The following CSPG5 variants were observed in gnomAD, a reference collection of about 807,000 sequenced individuals.
CSPG5 encodes the protein acidic leucine-rich EGF-like domain-containing brain protein.
CSPG5 carries 25 observed loss-of-function variants against 39.8 expected under a neutral mutation model. The ratio of observed to expected loss-of-function variants is 0.63; its 90% confidence interval spans 0.46 to 0.88. The LOEUF is 0.88. Ranked by LOEUF, CSPG5 falls within the 40% of genes least tolerant of loss-of-function variation. The pLI, the probability that CSPG5 is intolerant of heterozygous loss-of-function variation, is 0.00. For missense variants in CSPG5, 627 were observed against 702.2 expected, an observed-to-expected ratio of 0.89 and a Z score of 1.21; for synonymous variants, 295 against 303.9, an observed-to-expected ratio of 0.97 and a Z score of 0.31.
intron 2 of CSPG5, 76 bp downstream of exon 2, chr3:47,576,757 G>C (rs908613796): frequency 6.1e-5 from 90 of 1,478,594 alleles, no homozygotes; most frequent in Non-Finnish European, 7.9e-5. Context: ...AACGCGCCCG[G>C]CTACGCTGCC....
chr3:47,576,040 C>G (rs1167807027), intron 2 of CSPG5, among the ~76,000 whole-genome samples: 1 of 149,316 alleles, frequency 6.7e-6, no homozygotes, highest in East Asian at 2.0e-4. Context: ...TGGGTTCAAG[C>G]AATTCTGCCT....
At position 47,578,072 on chromosome 3, in the gene CSPG5, C is replaced by A. The variant is rs2108211850; in HGVS notation, c.98-144G>T. ...CTCAGACCCCACCGCCCCAGTGTGA[C>A]CCCAGCCACCCGGTACCTCTAAGCC... On this transcript the variant is annotated intron_variant, in intron 1 of 4. Coordinates refer to ENST00000264723, the MANE Select transcript of CSPG5 (RefSeq NM_006574.4). This position sits in a 1 kb window ranked among gnomAD's most constrained non-coding sequence, Gnocchi z 6.0. 2 of 1,214,620 alleles carry A rather than the reference C, an allele frequency of 1.6e-6. No homozygotes were observed. Among genetic ancestry groups the A allele is most frequent in the South Asian group, 2.7e-5 (1 of 36,766 alleles). The allele number at this position is 1,214,620 out of a possible 1,614,324, so 75.2% of individuals were successfully genotyped here. A position where few individuals can be genotyped will look rare whatever the true frequency, so the allele number is the denominator to read the frequency against.
chr3:47,565,679 A>G (rs546048513), intron 4 of CSPG5, among the ~76,000 whole-genome samples: 200 of 129,858 alleles, frequency 1.5e-3, no homozygotes, highest in African/African-American at 4.4e-3. Flanking sequence ...AGAGTTAAAT[A>G]GGAAAAAAAA....
intron 4 of CSPG5, 125 bp downstream of exon 4, chr3:47,569,027 G>A: frequency 2.8e-6 from 4 of 1,430,866 alleles, no homozygotes; most frequent in Non-Finnish European, 3.7e-6. Context: ...TGGGCCAGGG[G>A]CCAAAGCATG....
Position 47,578,523 on chromosome 3 carries a change from C to T in CSPG5, c.97+74G>A. The T allele has an allele frequency of 2.2e-6, 1 of 458,884 alleles. No homozygotes were observed. The allele number at this position is 458,884 out of a possible 1,614,324, so 28.4% of individuals were successfully genotyped here. A position where few individuals can be genotyped will look rare whatever the true frequency, so the allele number is the denominator to read the frequency against. On this transcript the variant is annotated intron_variant, in intron 1 of 4. Coordinates refer to ENST00000264723, the MANE Select transcript of CSPG5 (RefSeq NM_006574.4). This position sits in a 1 kb window ranked among gnomAD's most constrained non-coding sequence, Gnocchi z 6.0. ...TGCCACAGCTCACAGCTCCACCTGT[C>T]CCCGCCGCCAGCGGGACCCCTGCCC...
chr3:47,577,812 C>G lies in CSPG5; in HGVS notation c.214G>C (p.Glu72Gln). 2 of 1,577,434 alleles carry G rather than the reference C, an allele frequency of 1.3e-6. No homozygotes were observed. Among genetic ancestry groups the G allele is most frequent in the Non-Finnish European group, 1.7e-6 (2 of 1,171,072 alleles). ...CCACCGGGCGCCGTCCACGACGCCT[C>G]ATCTTCCCCAGCCGCTGGTGGGCCG... ...EAGPPAAGED[E>Q]ASWTAPGGEL... Residue 72 changes from glutamate to glutamine, a missense_variant, in exon 2 of 5, where the codon GAG (glutamate) becomes CAG (glutamine). Transcript: ENST00000264723. This position sits in a 1 kb window ranked among gnomAD's most constrained non-coding sequence, Gnocchi z 4.7.
In CSPG5 at chr3:47,576,944, C is replaced by T; in HGVS notation, c.1082G>A (p.Ser361Asn). 1.9e-6 allele frequency: 3 copies of T among 1,613,686 alleles called. No individual in the cohort carries two copies. The highest frequency in any genetic ancestry group is 2.5e-6 in the Non-Finnish European group (3 of 1,179,750). ...GGAGCCGTTATGCCGCACAAAGCCACTGCGGCACTCAGTGCCATTTTCACT... is the reference window on the plus strand; with the variant it reads ...GGAGCCGTTATGCCGCACAAAGCCATTGCGGCACTCAGTGCCATTTTCACT... ...ASSENGTECR[S>N]GFVRHNGSCR... The change falls in exon 2 of 5, where the codon AGT becomes AAT. Residue 361 changes from serine to asparagine, a missense_variant. Physicochemically the swap from Ser to Asn is conservative, Grantham distance 46 (BLOSUM62 1). Coordinates refer to ENST00000264723, the MANE Select transcript of CSPG5 (RefSeq NM_006574.4).
intron 3 of CSPG5, among the ~76,000 whole-genome samples, chr3:47,570,082 CTTT>C (rs923270981): frequency 6.8e-6 from 1 of 146,302 alleles, no homozygotes; most frequent in Non-Finnish European, 1.5e-5. Context: ...CATGGATTAT[CTTT>C]TTTTTTTTAT....
At position 47,578,103 on chromosome 3, in the gene CSPG5, C is replaced by G; in HGVS notation, c.98-175G>C. On this transcript the variant is annotated intron_variant, in intron 1 of 4. Transcript: ENST00000264723. The surrounding 1 kb of genome is among the most constrained non-coding windows in gnomAD (Gnocchi z 6.0). ...CCACCCGGTACCTCTAAGCCCCGTCCCGGAGTCTGCCCCCAAGACGAGGAT... is the reference window on the plus strand; with the variant it reads ...CCACCCGGTACCTCTAAGCCCCGTCGCGGAGTCTGCCCCCAAGACGAGGAT... The G allele has an allele frequency of 2.0e-6, 2 of 991,198 alleles. No individual in the cohort carries two copies. Among genetic ancestry groups the G allele is most frequent in the African/African-American group, 3.4e-5 (2 of 59,256 alleles). 61.4% of individuals were successfully genotyped at this position (991,198 alleles called of 1,614,324 possible). A position where few individuals can be genotyped will look rare whatever the true frequency, so the allele number is the denominator to read the frequency against.
At chr3:47,573,455 C>A (rs1262318249) in intron 2 of CSPG5, among the ~76,000 whole-genome samples, 1 of 152,172 alleles carries the variant, frequency 6.6e-6, no homozygotes, top group East Asian at 1.9e-4. Context: ...TGCAGCCCCC[C>A]CAAGTTCTGC....
Position 47,577,416 on chromosome 3 carries a change from C to T in CSPG5, c.610G>A (p.Ala204Thr), listed in dbSNP as rs1328498293. The T allele has an allele frequency of 1.2e-6, 2 of 1,614,046 alleles. No individual in the cohort carries two copies. Among genetic ancestry groups the T allele is most frequent in the African/African-American group, 2.7e-5 (2 of 74,930 alleles). ...PFQGTLEPQP[A>T]SDIIDIDYFE... ...TAGTCGATGTCAATGATATCTGATGCCGGTTGGGGCTCCAGGGTGCCCTGA... is the reference window on the plus strand; with the variant it reads ...TAGTCGATGTCAATGATATCTGATGTCGGTTGGGGCTCCAGGGTGCCCTGA... Residue 204 changes from alanine (A) to threonine (T), a missense_variant, in exon 2 of 5, where the codon GCA becomes ACA. Transcript: ENST00000264723. This position sits in a 1 kb window ranked among gnomAD's most constrained non-coding sequence, Gnocchi z 4.7.
intron 2 of CSPG5, among the ~76,000 whole-genome samples, chr3:47,573,358 C>A (rs765749607): frequency 2.0e-5 from 3 of 152,216 alleles, no homozygotes; most frequent in African/African-American, 7.2e-5. Context: ...GCAGTCCCAC[C>A]TAGTTCACGT....
intron 2 of CSPG5, among the ~76,000 whole-genome samples, chr3:47,573,700 G>T (rs1310716673): frequency 6.6e-6 from 1 of 152,156 alleles, no homozygotes; most frequent in Admixed American, 6.5e-5. Flanking sequence ...TGAACCTCAG[G>T]GTGAATGACA....
chr3:47,563,709 C>T (rs1278783254), intron 4 of CSPG5, among the ~76,000 whole-genome samples: 5 of 152,124 alleles, frequency 3.3e-5, no homozygotes, highest in African/African-American at 1.2e-4. Flanking sequence ...GCGCTCGTGA[C>T]CATGCCCGGC....
Position 47,577,887 on chromosome 3 carries a change from T to C in CSPG5, c.139A>G (p.Lys47Glu), listed in dbSNP as rs756822917. The C allele has an allele frequency of 4.9e-5, 73 of 1,503,732 alleles. No individual in the cohort carries two copies. The highest frequency in any genetic ancestry group is 4.7e-5 in the Non-Finnish European group (53 of 1,139,616). 93.1% of individuals were successfully genotyped at this position (1,503,732 alleles called of 1,614,324 possible). ...GGCGGCTCCCACGCCGGGCTGCCCT[T>C]CACCAGCTCTTCGGCCTCAACCGCG... ...GSAVEAEELV[K>E]GSPAWEPPAN... is the part of the protein sequence containing the mutation. The change falls in exon 2 of 5, where the codon AAG becomes GAG. Residue 47 changes from lysine to glutamate, a missense_variant. By Grantham distance (56) the Lys-to-Glu change is moderately conservative. Transcript: ENST00000264723. This position sits in a 1 kb window ranked among gnomAD's most constrained non-coding sequence, Gnocchi z 4.7.
rs750024015 is a variant in CSPG5 at position 47,562,557 on chromosome 3, AC to A, written c.*42del. The A allele has an allele frequency of 3.8e-5, 41 of 1,072,914 alleles. No individual in the cohort carries two copies. The highest frequency in any genetic ancestry group is 2.8e-4 in the African/African-American group (18 of 64,052). The allele number at this position is 1,072,914 out of a possible 1,614,324, so 66.5% of individuals were successfully genotyped here. A position where few individuals can be genotyped will look rare whatever the true frequency, so the allele number is the denominator to read the frequency against. The stretch of plus-strand genomic sequence containing the variant: ...AAGAGGAGATAATGTTTCTTCCCCT[AC>A]CCCCCACCCACTACCCCCGCTTCCT... On this transcript the variant is annotated 3_prime_UTR_variant, in exon 5 of 5. Transcript: ENST00000264723.
chr3:47,573,212 A>G (rs2031591356), intron 2 of CSPG5, among the ~76,000 whole-genome samples: 1 of 152,112 alleles, frequency 6.6e-6, no homozygotes, highest in African/African-American at 2.4e-5. Flanking sequence ...CTCAATGAAG[A>G]CACCTACAGG....
chr3:47,566,988 G>A (rs545297661), intron 4 of CSPG5, among the ~76,000 whole-genome samples: 87 of 152,300 alleles, frequency 5.7e-4, no homozygotes, highest in African/African-American at 1.8e-3. Context: ...CAGTGGCAGC[G>A]TTCAGGTACA....
rs769312940 is a variant in CSPG5 at position 47,577,604 on chromosome 3, G to C, written c.422C>G (p.Pro141Arg). The change falls in exon 2 of 5, where the codon CCT becomes CGT. Residue 141 changes from proline (P) to arginine (R), a missense_variant. Coordinates refer to ENST00000264723, the MANE Select transcript of CSPG5 (RefSeq NM_006574.4). The surrounding 1 kb of genome is among the most constrained non-coding windows in gnomAD (Gnocchi z 4.7). ...HEVLGQSIMP[P>R]AIPEATEASG... ...GGCCTCTGTAGCCTCAGGAATGGCA[G>C]GGGGCATGATTGACTGCCCGAGGAC... 16 of 1,611,220 alleles carry C rather than the reference G, an allele frequency of 9.9e-6. No individual in the cohort carries two copies. The African/African-American group carries it at 2.0e-4, about 20-fold the overall frequency.
Sources: gnomAD v4.1 joint callset for allele counts (sites outside exome capture counted in the v4.1 genomes callset) on GRCh38, gnomAD v4.1.1 for gene constraint, Gnocchi (gnomAD v3.1) non-coding constraint, MANE v1.5 for transcripts, NCBI Gene and HGNC (gene_info 2026-07-23, HGNC 2026-07-21) for gene names.